TTLL11: variants seen among roughly 807,000 people sequenced by gnomAD.
The protein encoded by TTLL11 is tubulin polyglutamylase TTLL11.
In TTLL11, 42 loss-of-function variants were observed where a neutral mutation model predicts 51.7. The ratio of observed to expected loss-of-function variants is 0.81; its 90% confidence interval spans 0.64 to 1.05. The LOEUF (loss-of-function observed/expected upper bound fraction) is 1.05, where lower values mean the gene tolerates loss of function less well. TTLL11 is among the 50% of genes least tolerant of loss of function. The probability of loss-of-function intolerance (pLI) is 0.00; values close to 1 mark genes in which losing one functional copy is unlikely to be tolerated. For missense variants in TTLL11, 799 were observed against 940.4 expected (o/e 0.85, Z 1.97); for synonymous variants, 381 against 383.5 (o/e 0.99, Z 0.08).
intron 8 of TTLL11, among the ~76,000 whole-genome samples, chr9:121,855,540 G>A (rs1837786896): frequency 6.6e-6 from 1 of 152,090 alleles, no homozygotes; most frequent in African/African-American, 2.4e-5. Context: ...GTCTTATAAC[G>A]GCAGAAGGAA....
At position 121,818,038 on chromosome 9, in the gene TTLL11, C is replaced by A. The variant is rs1308075618; in HGVS notation, c.*4549G>T. On this transcript the variant is annotated 3_prime_UTR_variant, in exon 9 of 9. Coordinates refer to ENST00000321582, the MANE Select transcript of TTLL11 (RefSeq NM_001139442.2). ...TCCTCCCACTCCATTCCCCTGACTA[C>A]CTACATGCACATCCGGAGGACCTGC... The A allele has an allele frequency of 6.6e-6, 1 of 152,356 alleles. No homozygotes were observed. Among genetic ancestry groups the A allele is most frequent in the Non-Finnish European group, 1.5e-5 (1 of 68,144 alleles). 9.4% of individuals were successfully genotyped at this position (152,356 alleles called of 1,614,324 possible).
chr9:121,894,121 A>C (rs1839362180), intron 6 of TTLL11, among the ~76,000 whole-genome samples: 1 of 152,188 alleles, frequency 6.6e-6, no homozygotes, highest in South Asian at 2.1e-4. Flanking sequence ...CTATATGCCA[A>C]GCACTGGGCA....
At chr9:121,876,678 T>C (rs1328867571) in intron 6 of TTLL11, among the ~76,000 whole-genome samples, 1 of 152,202 alleles carries the variant, frequency 6.6e-6, no homozygotes, top group Admixed American at 6.5e-5. Context: ...CAGCACTATG[T>C]ATTCCGAACT....
Position 122,021,251 on chromosome 9 carries a change from C to CAGGGG in TTLL11, c.693+10471_693+10472insCCCCT, listed in dbSNP as rs764568988. ...ATTCCAGGCTGCAGTGCAGAGTGCCCCAGTAGGACCTTGGTGAAGCCCAGT... is the reference window on the plus strand; with the variant it reads ...ATTCCAGGCTGCAGTGCAGAGTGCCCAGGGGCAGTAGGACCTTGGTGAAGCCCAGT... On this transcript the variant is annotated intron_variant, in intron 3 of 8. Coordinates refer to ENST00000321582, the MANE Select transcript of TTLL11 (RefSeq NM_001139442.2). 6.5e-3 allele frequency among the ~76,000 whole-genome samples: 980 copies of CAGGGG among 151,680 alleles called. 4 individuals carry two copies. The highest frequency in any genetic ancestry group is 0.011 in the Non-Finnish European group (737 of 67,864).
chr9:121,970,717 G>A (rs1361333075), intron 6 of TTLL11, among the ~76,000 whole-genome samples: 1 of 152,256 alleles, frequency 6.6e-6, no homozygotes, highest in African/African-American at 2.4e-5. Flanking sequence ...TGGAGAGAAT[G>A]TGGAGAAATA....
At chr9:122,000,424 A>G (rs1843425123) in intron 3 of TTLL11, among the ~76,000 whole-genome samples, 1 of 137,074 alleles carries the variant, frequency 7.3e-6, no homozygotes, top group African/African-American at 2.8e-5. Flanking sequence ...GTGAGCCGAG[A>G]TCTCACCACT....
intron 6 of TTLL11, among the ~76,000 whole-genome samples, chr9:121,931,110 G>C (rs966781175): frequency 3.9e-5 from 6 of 152,250 alleles, no homozygotes; most frequent in African/African-American, 1.4e-4. Context: ...AGCTCTCCCT[G>C]CTCAGTCAGG....
rs1042593930 is a variant in TTLL11, at chr9:121,997,606, G to A, written c.694-7836C>T. Among the ~76,000 whole-genome samples the A allele has an allele frequency of 2.0e-5, 3 of 152,274 alleles. No individual in the cohort carries two copies. The East Asian group carries it at 5.8e-4, about 29-fold the overall frequency. ...TGGGCTTCGGAGTCAGGCAGACCTG[G>A]GTTCAGATCTCAGCTCAGCCACTTC... On this transcript the variant is annotated intron_variant, in intron 3 of 8. Transcript: ENST00000321582.
intron 3 of TTLL11, among the ~76,000 whole-genome samples, chr9:122,022,034 G>A (rs781237789): frequency 1.2e-4 from 19 of 152,036 alleles, no homozygotes; most frequent in African/African-American, 4.1e-4. Flanking sequence ...GGGATTATTC[G>A]ACAAGAATGA....
At chr9:121,837,996 A>C (rs1179595897) in intron 8 of TTLL11, among the ~76,000 whole-genome samples, 2 of 152,040 alleles carry the variant, frequency 1.3e-5, no homozygotes, top group Non-Finnish European at 2.9e-5. Flanking sequence ...TGGGCCCCAC[A>C]GGGCTCTCTC....
chr9:121,978,965 G>T (rs13298566), intron 4 of TTLL11, among the ~76,000 whole-genome samples: 58,950 of 151,958 alleles, frequency 0.39, 12,204 homozygotes, highest in African/African-American at 0.51. Context: ...TCCTTTTGTG[G>T]AATGCCCCCT....
At chr9:121,896,232 G>C (rs1456924754) in intron 6 of TTLL11, among the ~76,000 whole-genome samples, 2 of 152,078 alleles carry the variant, frequency 1.3e-5, no homozygotes, top group Non-Finnish European at 2.9e-5. Flanking sequence ...GTTCCACCTT[G>C]GTCCAGCGCA....
At chr9:121,984,455 C>T (rs539120952) in intron 4 of TTLL11, among the ~76,000 whole-genome samples, 1 of 152,150 alleles carries the variant, frequency 6.6e-6, no homozygotes, top group South Asian at 2.1e-4. Flanking sequence ...GAGGGAGGTA[C>T]AAATATGGTC....
intron 6 of TTLL11, among the ~76,000 whole-genome samples, chr9:121,914,316 G>A (rs77204375): frequency 6.6e-6 from 1 of 152,156 alleles, no homozygotes; most frequent in African/African-American, 2.4e-5. Context: ...GCCTAAGCTA[G>A]TTCCTATCAA....
chr9:121,971,746 G>GAAAAAAAAAAAAAAAAAAAAAAAAAAAAA (rs768215225), intron 6 of TTLL11, among the ~76,000 whole-genome samples: 1 of 97,878 alleles, frequency 1.0e-5, no homozygotes, highest in African/African-American at 3.7e-5. Context: ...TCTGCCTTGG[G>GAAAAAAAAAAAAAAAAAAAAAAAAAAAAA]AAAAAAAAAA....
chr9:121,927,569 T>C (rs948807112), intron 6 of TTLL11, among the ~76,000 whole-genome samples: 17 of 151,644 alleles, frequency 1.1e-4, no homozygotes, highest in African/African-American at 3.6e-4. Context: ...TGAAAAGAAA[T>C]ATGTAAACTG....
intron 6 of TTLL11, among the ~76,000 whole-genome samples, chr9:121,934,274 G>A (rs375472760): frequency 1.6e-4 from 11 of 68,410 alleles, no homozygotes; most frequent in African/African-American, 3.9e-4. Flanking sequence ...AAATCCATTC[G>A]TCCATCTTGC....
chr9:121,999,540 C>G (rs555301082), intron 3 of TTLL11, among the ~76,000 whole-genome samples: 29 of 152,310 alleles, frequency 1.9e-4, no homozygotes, highest in African/African-American at 6.5e-4. Flanking sequence ...ACCTTACAGT[C>G]CCTGAATCGT....
intron 6 of TTLL11, among the ~76,000 whole-genome samples, chr9:121,923,571 C>T (rs1237978017): frequency 6.6e-6 from 1 of 152,136 alleles, no homozygotes; most frequent in Non-Finnish European, 1.5e-5. Flanking sequence ...CTGAGCCAGG[C>T]ATTGTTCCAG....
Sources: gnomAD v4.1 joint callset for allele counts (sites outside exome capture counted in the v4.1 genomes callset) on GRCh38, gnomAD v4.1.1 for gene constraint, MANE v1.5 for transcripts, NCBI Gene and HGNC (gene_info 2026-07-23, HGNC 2026-07-21) for gene names.